The following FAM228A variants were observed in gnomAD, a reference collection of about 807,000 sequenced individuals.
The protein encoded by FAM228A is protein FAM228A.
In FAM228A, 13 loss-of-function variants were observed where a neutral mutation model predicts 18.6. The ratio of observed to expected loss-of-function variants is 0.70; its 90% CI spans 0.45 to 1.11. FAM228A has a LOEUF of 1.11. FAM228A is among the 50% of genes least tolerant of loss of function. FAM228A has a pLI of 0.00. For synonymous variants in FAM228A, 77 were observed against 86.6 expected, an observed-to-expected ratio of 0.89 and a Z score of 0.61; for missense variants, 240 against 242.2, an observed-to-expected ratio of 0.99 and a Z score of 0.06.
At chr2:24,180,536 C>A (rs938316959) in intron 3 of FAM228A, among the ~76,000 whole-genome samples, 1 of 152,156 alleles carries the variant, frequency 6.6e-6, no homozygotes, top group South Asian at 2.1e-4. Context: ...CCTACACACT[C>A]TTAAGGGGCA....
chr2:24,190,409 C>G lies in FAM228A; in HGVS notation c.402-3C>G. The G allele has an allele frequency of 6.3e-7, 1 of 1,590,094 alleles. No individual in the cohort carries two copies. The highest frequency in any genetic ancestry group is 8.5e-7 in the Non-Finnish European group (1 of 1,171,500). On this transcript the variant is annotated splice_region_variant and splice_polypyrimidine_tract_variant and intron_variant, in intron 5 of 5. Transcript: ENST00000295150. ...AGACAATTTTTTCTGCTTTTCTTCA[C>G]AGTCCTGAAAAGCTCATCTATGCAG... is the stretch of plus-strand genomic sequence containing the variant.
chr2:24,183,343 AGAG>A lies in FAM228A; in HGVS notation c.225_227del (p.Arg76del), dbSNP rs751237028. 9 of 1,614,108 alleles carry A rather than the reference AGAG, an allele frequency of 5.6e-6. No individual in the cohort carries two copies. The highest frequency in any genetic ancestry group is 1.7e-5 in the Admixed American group (1 of 60,018). ...CAAAGACAGCAAGAGGTGGATGAAGAGAGGAGAACTGGTCTTCAGTGTGAGACA... is the reference window on the plus strand; with the variant it reads ...CAAAGACAGCAAGAGGTGGATGAAGAGAGAACTGGTCTTCAGTGTGAGACA... On this transcript the variant is annotated inframe_deletion, in exon 4 of 6. Coordinates refer to ENST00000295150, the MANE Select transcript of FAM228A (RefSeq NM_001040710.3).
intron 3 of FAM228A, 104 bp from the exon 4 acceptor site, chr2:24,183,181 T>G: frequency 1.2e-6 from 1 of 844,628 alleles, no homozygotes; most frequent in Non-Finnish European, 2.0e-6. Flanking sequence ...CTTCCCACTC[T>G]TGTAGTCCTC....
intron 2 of FAM228A, among the ~76,000 whole-genome samples, chr2:24,177,242 G>A (rs933410593): frequency 6.6e-6 from 1 of 152,122 alleles, no homozygotes; most frequent in East Asian, 1.9e-4. Context: ...GAGTTCGAGA[G>A]CAGCCTGGCC....
intron 5 of FAM228A, among the ~76,000 whole-genome samples, chr2:24,189,772 A>G (rs1431346403): frequency 1.3e-5 from 2 of 152,190 alleles, no homozygotes; most frequent in African/African-American, 4.8e-5. Flanking sequence ...ACTTGAGAGC[A>G]CGTGGCGAGG....
At chr2:24,178,992 A>G (rs1667754807) in intron 3 of FAM228A, 1 of 224,942 alleles carries the variant, frequency 4.4e-6, no homozygotes, top group Non-Finnish European at 8.8e-6. Flanking sequence ...GGACTTTGCA[A>G]CCCGAATGTG....
intron 5 of FAM228A, among the ~76,000 whole-genome samples, chr2:24,185,355 T>G (rs1399744147): frequency 3.3e-5 from 5 of 152,166 alleles, no homozygotes; most frequent in Admixed American, 1.3e-4. Flanking sequence ...GCCTATTTGT[T>G]TACTATAGCT....
intron 3 of FAM228A, among the ~76,000 whole-genome samples, chr2:24,178,428 G>A (rs145788171): frequency 1.9e-4 from 29 of 152,134 alleles, no homozygotes; most frequent in Non-Finnish European, 4.0e-4. Flanking sequence ...TAAAAAATTA[G>A]CCAGACATGG....
In FAM228A at chr2:24,190,514, G is replaced by C. The variant is rs370703831; in HGVS notation, c.504G>C (p.Lys168Asn). Residue 168 changes from lysine to asparagine, a missense_variant, in exon 6 of 6, where the codon AAG (lysine) becomes AAC (asparagine). Physicochemically the swap from Lys to Asn is moderately conservative, Grantham distance 94. Transcript: ENST00000295150. ...TTGAAAGGCAGTTCCTTTCCTCAAA[G>C]CTCAGCCAGAAGAACAAAGTGGGTG... ...AAFERQFLSS[K>N]LSQKNKVGER... 6.8e-6 allele frequency: 11 copies of C among 1,614,030 alleles called. No individual in the cohort carries two copies. The African/African-American group carries it at 1.5e-4, about 22-fold the overall frequency.
At chr2:24,185,603 A>G (rs1472894642) in intron 5 of FAM228A, among the ~76,000 whole-genome samples, 1 of 152,158 alleles carries the variant, frequency 6.6e-6, no homozygotes, top group African/African-American at 2.4e-5. Flanking sequence ...TGAACATGGT[A>G]TATATCTCTC....
chr2:24,188,249 G>T (rs1169010210), intron 5 of FAM228A, among the ~76,000 whole-genome samples: 3 of 151,824 alleles, frequency 2.0e-5, no homozygotes, highest in African/African-American at 7.3e-5. Flanking sequence ...ATTTCTATTT[G>T]ATTTTTTTAA....
intron 5 of FAM228A, among the ~76,000 whole-genome samples, chr2:24,185,422 C>G (rs999132720): frequency 1.3e-5 from 2 of 152,068 alleles, no homozygotes; most frequent in African/African-American, 4.8e-5. Flanking sequence ...TTATAATTAG[C>G]TCAAGTTTCA....
intron 3 of FAM228A, among the ~76,000 whole-genome samples, chr2:24,180,625 G>A (rs1408363739): frequency 6.6e-6 from 1 of 152,188 alleles, no homozygotes; most frequent in African/African-American, 2.4e-5. Context: ...TGGGTATAGG[G>A]AGGAAGATCT....
intron 3 of FAM228A, chr2:24,179,087 T>G: frequency 1.1e-6 from 1 of 915,098 alleles, no homozygotes; most frequent in South Asian, 3.6e-5. Context: ...TAATTTATTT[T>G]CCTTTTTTGT....
chr2:24,175,756 G>T (rs1558401551), intron 2 of FAM228A, 183 bp downstream of exon 2: 1 of 762,446 alleles, frequency 1.3e-6, no homozygotes, highest in South Asian at 1.9e-5. Context: ...GTTTCCAGTC[G>T]CCAGCCTGGG....
Position 24,183,475 on chromosome 2 carries a change from G to A in FAM228A, c.251-20G>A, listed in dbSNP as rs375545665. On this transcript the variant is annotated intron_variant, in intron 4 of 5. Coordinates refer to ENST00000295150, the MANE Select transcript of FAM228A (RefSeq NM_001040710.3). ...GGAGTTCTTGAAGAGTGTTGATTTC[G>A]ATTTTTTATCTTCCTGTAGGAAAAC... The A allele has an allele frequency of 2.4e-5, 38 of 1,608,248 alleles. No individual in the cohort carries two copies. The African/African-American group carries it at 2.9e-4, about 12-fold the overall frequency.
Position 24,177,885 on chromosome 2 carries a change from C to T in FAM228A, c.162+15C>T. 1 of 1,561,706 alleles carries T rather than the reference C, an allele frequency of 6.4e-7. No homozygotes were observed. The highest frequency in any genetic ancestry group is 8.8e-7 in the Non-Finnish European group (1 of 1,136,418). ...CCATTGTGAAGGTAAGAGTTGGCTCCACGCTGCATTCTACATATGTTCTAG... is the reference window on the plus strand; with the variant it reads ...CCATTGTGAAGGTAAGAGTTGGCTCTACGCTGCATTCTACATATGTTCTAG... On this transcript the variant is annotated intron_variant, in intron 3 of 5. Transcript: ENST00000295150.
chr2:24,182,582 A>T (rs1667841337), intron 3 of FAM228A, among the ~76,000 whole-genome samples: 1 of 151,924 alleles, frequency 6.6e-6, no homozygotes, highest in African/African-American at 2.4e-5. Flanking sequence ...TGGTCACCTG[A>T]CCCTCTGTTC....
chr2:24,180,686 G>T (rs954655235), intron 3 of FAM228A, among the ~76,000 whole-genome samples: 1 of 152,134 alleles, frequency 6.6e-6, no homozygotes, highest in Non-Finnish European at 1.5e-5. Context: ...CAGTAAAGTC[G>T]TTGTGAATCA....
Sources: allele counts gnomAD v4.1 joint callset (sites outside exome capture counted in the v4.1 genomes callset), GRCh38; gene constraint gnomAD v4.1.1; transcripts MANE v1.5; gene names NCBI Gene and HGNC (gene_info 2026-07-23, HGNC 2026-07-21).